The following WDR20 variants were observed in gnomAD, a reference collection of about 807,000 sequenced individuals.
WDR20 encodes the protein WD repeat-containing protein 20.
Under a neutral mutation model 38.7 loss-of-function variants are expected in WDR20, and 3 were observed. The ratio of observed to expected loss-of-function variants is 0.08; its 90% CI spans 0.04 to 0.20. The LOEUF (loss-of-function observed/expected upper bound fraction) is 0.20, where lower values mean the gene tolerates loss of function less well. Among genes scored for constraint, WDR20 ranks in the 10% least tolerant of loss-of-function variants. WDR20 has a pLI of 1.00. For synonymous variants in WDR20, 298 were observed against 285.6 expected (o/e 1.04, Z -0.44); for missense variants, 559 against 727.7 (o/e 0.77, Z 2.67).
chr14:102,142,225 T>C (rs1160390295), intron 1 of WDR20, among the ~76,000 whole-genome samples: 2 of 152,254 alleles, frequency 1.3e-5, no homozygotes, highest in East Asian at 3.8e-4. Flanking sequence ...TGTAGATACA[T>C]TTGCATTGTG....
chr14:102,202,184 A>G (rs2060520163), intron 2 of WDR20, among the ~76,000 whole-genome samples: 1 of 145,236 alleles, frequency 6.9e-6, no homozygotes, highest in African/African-American at 2.6e-5. Context: ...CCTAAGGACC[A>G]CCCCCTCCCT....
chr14:102,158,923 CTCTT>C (rs1436694723), intron 1 of WDR20, among the ~76,000 whole-genome samples: 2 of 151,954 alleles, frequency 1.3e-5, no homozygotes, highest in Admixed American at 6.6e-5. Flanking sequence ...GGGGGAGAGA[CTCTT>C]TCTGACACCC....
downstream of WDR20, chr14:102,213,892 G>GC: frequency 5.1e-6 from 5 of 985,458 alleles, no homozygotes; most frequent in Non-Finnish European, 6.0e-6. Flanking sequence ...GCCACATCAT[G>GC]CGTGTCTGAC....
At chr14:102,192,829 C>T (rs538028407) in intron 1 of WDR20, among the ~76,000 whole-genome samples, 1 of 152,012 alleles carries the variant, frequency 6.6e-6, no homozygotes, top group African/African-American at 2.4e-5. Context: ...TTGTTGCTGT[C>T]ATTTGTCTTG....
In WDR20 at chr14:102,201,083, C is replaced by A. The variant is rs755929225; in HGVS notation, c.432+5963C>A. Among the ~76,000 whole-genome samples the A allele has an allele frequency of 2.6e-5, 4 of 152,214 alleles. No homozygotes were observed. The East Asian group carries it at 7.7e-4, about 29-fold the overall frequency. ...AGGAAGGAAATGAGCCCGTAATGAT[C>A]TACTCCTTAAAGCTTGAACACAGAT... On this transcript the variant is annotated intron_variant, in intron 2 of 2. Coordinates refer to ENST00000342702, the MANE Select transcript of WDR20 (RefSeq NM_144574.4).
At chr14:102,223,677 C>G (rs2064136431), downstream of WDR20, 1 of 152,376 alleles carries the variant, frequency 6.6e-6, no homozygotes, top group Non-Finnish European at 1.5e-5. Context: ...GAATATACCG[C>G]TTGTTTATCT....
intron 1 of WDR20, 50 bp from the exon 2 acceptor site, chr14:102,194,888 C>A: frequency 1.3e-6 from 2 of 1,550,102 alleles, no homozygotes; most frequent in Admixed American, 1.8e-5. Context: ...ACTTAGATTT[C>A]TCATCTCAAT....
chr14:102,189,312 T>A (rs1456291655), intron 1 of WDR20, among the ~76,000 whole-genome samples: 1 of 152,226 alleles, frequency 6.6e-6, no homozygotes, highest in Admixed American at 6.5e-5. Context: ...TAACTAGTTG[T>A]TTCTTTAGTA....
chr14:102,195,918 G>A (rs2059337748), intron 2 of WDR20: 3 of 152,348 alleles, frequency 2.0e-5, no homozygotes, highest in Non-Finnish European at 4.4e-5. Flanking sequence ...GGCTTGCTGA[G>A]TTAGAAGCCC....
At chr14:102,215,738 T>A (rs1330441282), downstream of WDR20, among the ~76,000 whole-genome samples, 1 of 152,226 alleles carries the variant, frequency 6.6e-6, no homozygotes. Flanking sequence ...GAGGTTGTCC[T>A]GCTGTAGACA....
In WDR20 at chr14:102,146,597, G is replaced by C. The variant is rs114964785; in HGVS notation, c.249+6425G>C. 7.4e-3 allele frequency among the ~76,000 whole-genome samples: 1,130 copies of C among 152,300 alleles called. 15 individuals carry two copies. The highest frequency in any genetic ancestry group is 0.025 in the African/African-American group (1,057 of 41,564). ...TGACTTGAGAGAGAATGAGCGTTCTGTTATGGGAATGCTCATATGGGAAAT... is the reference window on the plus strand; with the variant it reads ...TGACTTGAGAGAGAATGAGCGTTCTCTTATGGGAATGCTCATATGGGAAAT... On this transcript the variant is annotated intron_variant, in intron 1 of 2. Transcript: ENST00000342702.
At chr14:102,194,879 C>CT in intron 1 of WDR20, 59 bp from the exon 2 acceptor site, 1 of 1,525,358 alleles carries the variant, frequency 6.6e-7, no homozygotes, top group Non-Finnish European at 9.0e-7. Context: ...AGTAGCATAA[C>CT]TTAGATTTCT....
chr14:102,145,715 G>A (rs1292407025), intron 1 of WDR20, among the ~76,000 whole-genome samples: 1 of 152,128 alleles, frequency 6.6e-6, no homozygotes, highest in Admixed American at 6.5e-5. Context: ...AGGCTGCAGT[G>A]AGCTGTAATC....
chr14:102,185,534 A>G (rs1198902531), intron 1 of WDR20, among the ~76,000 whole-genome samples: 2 of 152,108 alleles, frequency 1.3e-5, no homozygotes, highest in Admixed American at 1.3e-4. Context: ...GCCAGACTCT[A>G]CCACTGGGTT....
chr14:102,183,147 A>G (rs2063767996), intron 1 of WDR20, among the ~76,000 whole-genome samples: 1 of 152,230 alleles, frequency 6.6e-6, no homozygotes, highest in African/African-American at 2.4e-5. Flanking sequence ...CAAATGACTA[A>G]CAGCACAAGT....
rs1051533093 is a variant in WDR20, at chr14:102,148,076, T to C, written c.249+7904T>C. Among the ~76,000 whole-genome samples the C allele has an allele frequency of 2.6e-5, 4 of 152,308 alleles. No individual in the cohort carries two copies. The East Asian group carries it at 7.7e-4, about 29-fold the overall frequency. ...AGGAAGATTTTTGTCGTCTGGAATT[T>C]AGTATCTCAGAGAATAATTCTGTTT... On this transcript the variant is annotated intron_variant, in intron 1 of 2. Coordinates refer to ENST00000342702, the MANE Select transcript of WDR20 (RefSeq NM_144574.4).
intron 1 of WDR20, among the ~76,000 whole-genome samples, chr14:102,154,678 C>T (rs1426075464): frequency 6.6e-6 from 1 of 152,068 alleles, no homozygotes; most frequent in Non-Finnish European, 1.5e-5. Flanking sequence ...ATCCCCTGTT[C>T]GGTACCTAGA....
At chr14:102,148,530 G>C (rs1324993445) in intron 1 of WDR20, among the ~76,000 whole-genome samples, 3 of 118,394 alleles carry the variant, frequency 2.5e-5, no homozygotes, top group Admixed American at 2.0e-4. Flanking sequence ...ACAGAGCTGA[G>C]ACTCTGTCTC....
chr14:102,159,088 G>A (rs1003468241), intron 1 of WDR20, among the ~76,000 whole-genome samples: 1 of 151,906 alleles, frequency 6.6e-6, no homozygotes, highest in Admixed American at 6.6e-5. Context: ...GACTAAAAGG[G>A]TGCACCACCA....
Sources: allele counts gnomAD v4.1 joint callset (sites outside exome capture counted in the v4.1 genomes callset), GRCh38; gene constraint gnomAD v4.1.1; transcripts MANE v1.5; gene names NCBI Gene and HGNC (gene_info 2026-07-23, HGNC 2026-07-21).